The following SHCBP1 variants were observed in gnomAD, a reference collection of about 807,000 sequenced individuals.
SHCBP1 encodes SHC SH2 domain-binding protein 1.
Under a neutral mutation model 75.1 loss-of-function variants are expected in SHCBP1, and 60 were observed. The observed-to-expected ratio is 0.80, with a 90% confidence interval of 0.65 to 0.99. The LOEUF (loss-of-function observed/expected upper bound fraction) is 0.99, where lower values mean the gene tolerates loss of function less well. Ranked by LOEUF, SHCBP1 falls within the 50% of genes least tolerant of loss-of-function variation. The pLI is 0.00. For synonymous variants in SHCBP1, 290 were observed against 293.2 expected (o/e 0.99, Z 0.11); for missense variants, 709 against 809.4 (o/e 0.88, Z 1.50).
intron 10 of SHCBP1, among the ~76,000 whole-genome samples, chr16:46,589,959 TACC>T (rs1479805312): frequency 1.3e-5 from 2 of 152,148 alleles, no homozygotes; most frequent in Non-Finnish European, 2.9e-5. Flanking sequence ...ATGGTACTGG[TACC>T]AAAACAGAGA....
At chr16:46,613,719 G>A (rs1052191944) in intron 4 of SHCBP1, among the ~76,000 whole-genome samples, 1 of 152,196 alleles carries the variant, frequency 6.6e-6, no homozygotes, top group African/African-American at 2.4e-5. Flanking sequence ...GCAGACATCT[G>A]TGCGTGATTA....
chr16:46,596,332 C>T (rs1965141083), intron 9 of SHCBP1, among the ~76,000 whole-genome samples: 1 of 151,872 alleles, frequency 6.6e-6, no homozygotes, highest in Admixed American at 6.6e-5. Flanking sequence ...ATGGTGAAAA[C>T]CCGTCTCTAC....
At chr16:46,586,599 G>C (rs1964957956) in intron 10 of SHCBP1, among the ~76,000 whole-genome samples, 1 of 152,152 alleles carries the variant, frequency 6.6e-6, no homozygotes, top group African/African-American at 2.4e-5. Context: ...TAAGCCTACA[G>C]GTTCAAGAAG....
At position 46,580,941 on chromosome 16, in the gene SHCBP1, G is replaced by T. The variant is rs1011547872; in HGVS notation, c.*788C>A. 1 of 151,672 alleles carries T rather than the reference G, an allele frequency of 6.6e-6. No homozygotes were observed. Among genetic ancestry groups the T allele is most frequent in the Non-Finnish European group, 1.5e-5 (1 of 67,998 alleles). The allele number at this position is 151,672 out of a possible 1,614,324, so 9.4% of individuals were successfully genotyped here. A position where few individuals can be genotyped will look rare whatever the true frequency, so the allele number is the denominator to read the frequency against. Reference sequence around the variant, plus strand: ...TAAATTTATTTTTAGTAGAGACAGGGTCTCACTATGTTGCCTAGGCTAGTC... The same window carrying T: ...TAAATTTATTTTTAGTAGAGACAGGTTCTCACTATGTTGCCTAGGCTAGTC... On this transcript the variant is annotated 3_prime_UTR_variant, in exon 13 of 13. Transcript: ENST00000303383.
In SHCBP1 at chr16:46,584,061, C is replaced by T. The variant is rs764435122; in HGVS notation, c.1493G>A (p.Ser498Asn). The change falls in exon 11 of 13, where the codon AGT (serine) becomes AAT (asparagine). Residue 498 changes from serine to asparagine, a missense_variant. Physicochemically the swap from Ser to Asn is conservative, Grantham distance 46 (BLOSUM62 1). Coordinates refer to ENST00000303383, the MANE Select transcript of SHCBP1 (RefSeq NM_024745.5). ...CCCATTGTCACTCAGGGTGCACTGA[C>T]TCCCAGGGTAGATTTCTATACCAGC... Reference protein sequence around the residue: ...KGAGIEIYPGSQCTLSDNGIH... With the variant: ...KGAGIEIYPGNQCTLSDNGIH... 6.2e-7 allele frequency: 1 copy of T among 1,604,054 alleles called. No individual in the cohort carries two copies. Among genetic ancestry groups the T allele is most frequent in the South Asian group, 1.1e-5 (1 of 89,090 alleles).
chr16:46,621,331 C>T lies in SHCBP1; in HGVS notation c.29G>A (p.Gly10Asp), dbSNP rs776119732. The T allele has an allele frequency of 6.2e-7, 1 of 1,611,426 alleles. No homozygotes were observed. ...CGGCGCCATGGCCGCTGCCTCCAGA[C>T]CGCCGCCCGTCAGCGACCCGTCAGC... MADGSLTGG[G>D]LEAAAMAPER... Residue 10 changes from glycine to aspartate, a missense_variant, in exon 1 of 13, where the codon GGT becomes GAT. Gly to Asp is a moderately conservative substitution (Grantham distance 94, BLOSUM62 -1). Coordinates refer to ENST00000303383, the MANE Select transcript of SHCBP1 (RefSeq NM_024745.5).
intron 12 of SHCBP1, among the ~76,000 whole-genome samples, chr16:46,582,705 A>G (rs1964891782): frequency 6.6e-6 from 1 of 152,220 alleles, no homozygotes; most frequent in African/African-American, 2.4e-5. Context: ...GTTTGGAGAC[A>G]GAGTCTGCCC....
At position 46,593,040 on chromosome 16, in the gene SHCBP1, G is replaced by T. The variant is rs944392416; in HGVS notation, c.1464+2512C>A. Among the ~76,000 whole-genome samples the T allele has an allele frequency of 2.1e-5, 3 of 141,200 alleles. No homozygotes were observed. In the Admixed American group the frequency reaches 2.2e-4, roughly 10 times the overall value. 92.6% of individuals were successfully genotyped at this position (141,200 alleles called of 152,430 possible). The stretch of plus-strand genomic sequence containing the variant: ...CTGGTCAACCTTATTCTTTTTGATG[G>T]AATACTAAATATATTCTCTCTAATA... On this transcript the variant is annotated intron_variant, in intron 10 of 12. Transcript: ENST00000303383.
In SHCBP1 at chr16:46,579,620, T is replaced by G. The variant is rs1283011830; in HGVS notation, c.*2109A>C. ...TTTGAGAACAGCCTGGGCAACATGG[T>G]GAAACCCCATATCTACTAAAAATAC... On this transcript the variant is annotated 3_prime_UTR_variant, in exon 13 of 13. Transcript: ENST00000303383. Among the ~76,000 whole-genome samples the G allele has an allele frequency of 7.3e-5, 11 of 151,372 alleles. 1 individual carries two copies. The South Asian group carries it at 1.5e-3, about 20-fold the overall frequency.
At position 46,595,650 on chromosome 16, in the gene SHCBP1, T is replaced by C. The variant is rs926930869; in HGVS notation, c.1366A>G (p.Thr456Ala). 8 of 1,614,018 alleles carry C rather than the reference T, an allele frequency of 5.0e-6. No individual in the cohort carries two copies. Among genetic ancestry groups the C allele is most frequent in the Non-Finnish European group, 5.9e-6 (7 of 1,179,912 alleles). The change falls in exon 10 of 13, where the codon ACG becomes GCG. Residue 456 changes from threonine (T) to alanine (A), a missense_variant. Coordinates refer to ENST00000303383, the MANE Select transcript of SHCBP1 (RefSeq NM_024745.5). Reference protein sequence around the residue: ...GILIVHRGKTTLENCVLQCET... With the variant: ...GILIVHRGKTALENCVLQCET... ...CACTGCAGCACACAGTTTTCCAGCG[T>C]AGTCTTACCACGGTGAACAACTGGG...
intron 10 of SHCBP1, among the ~76,000 whole-genome samples, chr16:46,595,170 A>T (rs751251676): frequency 6.6e-6 from 1 of 152,182 alleles, no homozygotes; most frequent in Non-Finnish European, 1.5e-5. Context: ...TCTTCTACTG[A>T]CAGGATCGAT....
Position 46,604,219 on chromosome 16 carries a change from C to T in SHCBP1, c.923+9G>A, listed in dbSNP as rs1231173224. The T allele has an allele frequency of 6.2e-7, 1 of 1,613,784 alleles. No homozygotes were observed. ...GCTGACTAACTAAGAATTACAAAGA[C>T]ACACATACCTCAACAAAGGATTCTC... On this transcript the variant is annotated intron_variant, in intron 6 of 12. Transcript: ENST00000303383.
intron 3 of SHCBP1, among the ~76,000 whole-genome samples, chr16:46,617,029 C>T (rs187523527): frequency 8.6e-4 from 131 of 152,252 alleles, no homozygotes; most frequent in Non-Finnish European, 1.5e-3. Context: ...TTTTTGTGGT[C>T]AGTTAACAAA....
intron 10 of SHCBP1, among the ~76,000 whole-genome samples, chr16:46,594,563 G>A (rs1175596597): frequency 6.6e-6 from 1 of 152,044 alleles, no homozygotes; most frequent in African/African-American, 2.4e-5. Context: ...ACACTTATCA[G>A]AATGGCTAAA....
chr16:46,603,864 C>T, intron 7 of SHCBP1, 111 bp downstream of exon 7: 1 of 1,406,506 alleles, frequency 7.1e-7, no homozygotes, highest in Non-Finnish European at 9.6e-7. Flanking sequence ...ACTTCCCATG[C>T]ACAGAAAACC....
At position 46,603,670 on chromosome 16, in the gene SHCBP1, A is replaced by G. The variant is rs1163069443; in HGVS notation, c.1093-11T>C. The G allele has an allele frequency of 1.9e-6, 3 of 1,614,116 alleles. No individual in the cohort carries two copies. The highest frequency in any genetic ancestry group is 3.3e-5 in the Admixed American group (2 of 59,998). On this transcript the variant is annotated splice_polypyrimidine_tract_variant and intron_variant, in intron 7 of 12. Coordinates refer to ENST00000303383, the MANE Select transcript of SHCBP1 (RefSeq NM_024745.5). ...TGGATCACTATGGAACTAGAAAACA[A>G]TAAGAACACATTTGTAAATATACAC...
intron 4 of SHCBP1, among the ~76,000 whole-genome samples, chr16:46,613,944 T>C (rs1314459938): frequency 6.6e-6 from 1 of 152,234 alleles, no homozygotes; most frequent in African/African-American, 2.4e-5. Flanking sequence ...AGGCTCCTCC[T>C]CAAATAATAC....
At position 46,618,212 on chromosome 16, in the gene SHCBP1, G is replaced by A; in HGVS notation, c.264C>T (p.Tyr88=). 5.0e-6 allele frequency: 8 copies of A among 1,585,076 alleles called. No individual in the cohort carries two copies. The highest frequency in any genetic ancestry group is 1.9e-5 in the Admixed American group (1 of 51,380). ...AGCAAAAAACCTACTCACCTAAAAT[G>A]TAATCTTGATAGGCTCTGAATCGCT... is the stretch of plus-strand genomic sequence containing the variant. ...FYERFRAYQD[Y]ILADCKASEV... Residue 88 remains tyrosine, a synonymous_variant, in exon 2 of 13, where the codon TAC becomes TAT. Coordinates refer to ENST00000303383, the MANE Select transcript of SHCBP1 (RefSeq NM_024745.5).
At chr16:46,599,707 G>A (rs1965201077) in intron 9 of SHCBP1, 124 bp downstream of exon 9, 2 of 130,336 alleles carry the variant, frequency 1.5e-5, no homozygotes, top group African/African-American at 4.6e-5. Context: ...GCATCGTGAA[G>A]TGCAATAAAA....
Sources: allele counts gnomAD v4.1 joint callset (sites outside exome capture counted in the v4.1 genomes callset), GRCh38; gene constraint gnomAD v4.1.1; transcripts MANE v1.5; gene names NCBI Gene and HGNC (gene_info 2026-07-23, HGNC 2026-07-21).